Variants in FLT4 observed in about 807,000 individuals in gnomAD.
FLT4 encodes the protein fms related receptor tyrosine kinase 4, also known as vascular endothelial growth factor receptor 3.
A neutral mutation model predicts 163.2 loss-of-function variants in FLT4; 30 were observed. The ratio of observed to expected loss-of-function variants is 0.18; its 90% CI spans 0.14 to 0.25. The LOEUF is 0.25. Among genes scored for constraint, FLT4 ranks in the 10% least tolerant of loss-of-function variants. The pLI is 1.00. For synonymous variants in FLT4, 884 were observed against 789.5 expected, an observed-to-expected ratio of 1.12 and a Z score of -2.01; for missense variants, 1,510 against 1,863.8, an observed-to-expected ratio of 0.81 and a Z score of 3.50.
At position 180,613,859 on chromosome 5, in the gene FLT4, G is replaced by A. The variant is rs190142258; in HGVS notation, c.3331+209C>T. On this transcript the variant is annotated intron_variant, in intron 24 of 29. Transcript: ENST00000261937. ...GGCTTCAATGTGCACCCCACAGAGG[G>A]TGGCCCACGTTGGAGGCAAAGTCCT... The A allele has an allele frequency of 1.5e-3, 941 of 635,832 alleles. 6 individuals carry two copies. Among genetic ancestry groups the A allele is most frequent in the African/African-American group, 0.015 (824 of 56,160 alleles). The allele number at this position is 635,832 out of a possible 1,614,324, so 39.4% of individuals were successfully genotyped here.
chr5:180,620,649 A>G lies in FLT4; in HGVS notation c.2366T>C (p.Phe789Ser). The change falls in exon 16 of 30, where the codon TTC becomes TCC. Residue 789 changes from phenylalanine (F) to serine (S), a missense_variant. Coordinates refer to ENST00000261937, the MANE Select transcript of FLT4 (RefSeq NM_182925.5). This position sits in a 1 kb window ranked among gnomAD's most constrained non-coding sequence, Gnocchi z 4.4. ...GAAGATGAGGAGGAGGAGGACCCAGAAGAAGACAGCGATGACGCCGGTACC... is the reference window on the plus strand; with the variant it reads ...GAAGATGAGGAGGAGGAGGACCCAGGAGAAGACAGCGATGACGCCGGTACC... ...LVGTGVIAVFFWVLLLLIFCN... is the reference protein window; with the variant it reads ...LVGTGVIAVFSWVLLLLIFCN... 1 of 1,613,396 alleles carries G rather than the reference A, an allele frequency of 6.2e-7. No homozygotes were observed.
At chr5:180,610,846 A>T (rs1188980749) in intron 27 of FLT4, among the ~76,000 whole-genome samples, 18 of 152,244 alleles carry the variant, frequency 1.2e-4, no homozygotes, top group Admixed American at 1.1e-3. Context: ...TCACGAGGTC[A>T]GGAGATCGAG....
At chr5:180,608,227 T>C (rs772933780) in intron 29 of FLT4, 10 of 700,828 alleles carry the variant, frequency 1.4e-5, no homozygotes, top group South Asian at 8.9e-5. Flanking sequence ...ATCTTTCTTA[T>C]AAGTGCAGAG....
intron 1 of FLT4, among the ~76,000 whole-genome samples, chr5:180,632,435 G>A (rs1261994687): frequency 6.6e-6 from 1 of 152,124 alleles, no homozygotes; most frequent in Non-Finnish European, 1.5e-5. Context: ...GGCCTCCCTA[G>A]ACACCCCCAG....
chr5:180,625,171 C>T (rs1353373284), intron 10 of FLT4, among the ~76,000 whole-genome samples: 1 of 152,232 alleles, frequency 6.6e-6, no homozygotes, highest in African/African-American at 2.4e-5. Context: ...TGCTAAAAGG[C>T]AAACCTGAGC....
In FLT4 at chr5:180,613,990, C is replaced by T. The variant is rs1300558960; in HGVS notation, c.3331+78G>A. The T allele has an allele frequency of 6.9e-6, 7 of 1,015,840 alleles. No individual in the cohort carries two copies. The East Asian group carries it at 1.4e-4, about 21-fold the overall frequency. 62.9% of individuals were successfully genotyped at this position (1,015,840 alleles called of 1,614,324 possible). On this transcript the variant is annotated intron_variant, in intron 24 of 29. Coordinates refer to ENST00000261937, the MANE Select transcript of FLT4 (RefSeq NM_182925.5). The stretch of plus-strand genomic sequence containing the variant: ...ACACCTCCAGGTGCCCAGTCCCTTA[C>T]TCCAGCAGGGGCGGTCATGTAACCT...
intron 18 of FLT4, 123 bp from the exon 19 acceptor site, chr5:180,619,489 A>T: frequency 1.1e-6 from 1 of 923,876 alleles, no homozygotes; most frequent in Non-Finnish European, 1.7e-6. Context: ...GGCCCCACTG[A>T]GGCAGAGGGG....
chr5:180,649,835 A>C (rs979560940), upstream of FLT4, among the ~76,000 whole-genome samples: 8 of 152,028 alleles, frequency 5.3e-5, no homozygotes, highest in Non-Finnish European at 2.9e-5. Context: ...TGCGCTCCGG[A>C]GGTGATGGAG....
intron 8 of FLT4, among the ~76,000 whole-genome samples, chr5:180,627,209 C>T (rs956199507): frequency 1.3e-5 from 2 of 152,208 alleles, no homozygotes; most frequent in Non-Finnish European, 2.9e-5. Flanking sequence ...CAGAGATACA[C>T]CACTGTGTCC....
chr5:180,624,473 C>T (rs1266591659), intron 10 of FLT4, among the ~76,000 whole-genome samples: 1 of 152,204 alleles, frequency 6.6e-6, no homozygotes, highest in East Asian at 1.9e-4. Flanking sequence ...GGTGATTGGT[C>T]TGCCTTGGCC....
rs1490062544 is a variant in FLT4, at chr5:180,613,020, G to C, written c.3422C>G (p.Thr1141Ser). Reference protein sequence around the residue: ...GTRMRAPELATPAIRRIMLNC... With the variant: ...GTRMRAPELASPAIRRIMLNC... ...CCATGGGGAGGCTCACATGGCGGGA[G>C]TGGCCAGCTCCGGGGCCCTCATCCT... Residue 1141 changes from threonine to serine, a missense_variant, in exon 25 of 30, where the codon ACT (threonine) becomes AGT (serine). By Grantham distance (58) the Thr-to-Ser change is moderately conservative. Transcript: ENST00000261937. 6.2e-7 allele frequency: 1 copy of C among 1,612,020 alleles called. No homozygotes were observed. Among genetic ancestry groups the C allele is most frequent in the East Asian group, 2.2e-5 (1 of 44,830 alleles).
rs2127836456 is a variant in FLT4, at chr5:180,630,154, C to A, written c.514-49G>T. ...TTGCCCAGCTGCCCCTTGCTCCTGGCCAGACAGGCGGCCGCCTTTCCCAGG... is the reference window on the plus strand; with the variant it reads ...TTGCCCAGCTGCCCCTTGCTCCTGGACAGACAGGCGGCCGCCTTTCCCAGG... On this transcript the variant is annotated intron_variant, in intron 4 of 29. Coordinates refer to ENST00000261937, the MANE Select transcript of FLT4 (RefSeq NM_182925.5). This position sits in a 1 kb window ranked among gnomAD's most constrained non-coding sequence, Gnocchi z 6.3. 6.2e-7 allele frequency: 1 copy of A among 1,611,622 alleles called. No individual in the cohort carries two copies.
chr5:180,650,272 C>G (rs1056875092), upstream of FLT4, among the ~76,000 whole-genome samples: 1 of 151,984 alleles, frequency 6.6e-6, no homozygotes, highest in African/African-American at 2.4e-5. Flanking sequence ...GAGCGGGACA[C>G]CCGGGATGAC....
chr5:180,621,597 C>A lies in FLT4; in HGVS notation c.1965G>T (p.Val655=). 1 of 1,609,886 alleles carries A rather than the reference C, an allele frequency of 6.2e-7. No individual in the cohort carries two copies. Among genetic ancestry groups the A allele is most frequent in the Non-Finnish European group, 8.5e-7 (1 of 1,177,892 alleles). Residue 655 remains valine, a synonymous_variant, in exon 13 of 30, where the codon GTG becomes GTT. Coordinates refer to ENST00000261937, the MANE Select transcript of FLT4 (RefSeq NM_182925.5). ...PEHEGHYVCE[V]QDRRSHDKHC... is the part of the protein sequence containing the mutation. ...GCTTGTCATGGCTGCGCCGGTCTTGCACTTCGCACACATAGTGGCCCTCGT... is the reference window on the plus strand; with the variant it reads ...GCTTGTCATGGCTGCGCCGGTCTTGAACTTCGCACACATAGTGGCCCTCGT...
In FLT4 at chr5:180,647,028, C is replaced by T. The variant is rs963400104; in HGVS notation, c.58+2460G>A. 2.0e-5 allele frequency among the ~76,000 whole-genome samples: 3 copies of T among 152,066 alleles called. No individual in the cohort carries two copies. In the South Asian group the frequency reaches 6.2e-4, roughly 32 times the overall value. On this transcript the variant is annotated intron_variant, in intron 1 of 29. Coordinates refer to ENST00000261937, the MANE Select transcript of FLT4 (RefSeq NM_182925.5). Reference sequence around the variant, plus strand: ...GTAAAGTGGGCCTGATCCCCACATCCTGCCTGCAGTGACTTGCATCCCTGG... The same window carrying T: ...GTAAAGTGGGCCTGATCCCCACATCTTGCCTGCAGTGACTTGCATCCCTGG...
chr5:180,631,840 C>A, intron 1 of FLT4, 62 bp from the exon 2 acceptor site: 2 of 1,156,066 alleles, frequency 1.7e-6, no homozygotes, highest in Non-Finnish European at 2.6e-6. Flanking sequence ...GTTGATGGGG[C>A]ATGGCTGGGC....
rs1763887399 is a variant in FLT4 at position 180,629,188 on chromosome 5, G to A, written c.985+71C>T. 24 of 1,587,732 alleles carry A rather than the reference G, an allele frequency of 1.5e-5. No homozygotes were observed. In the East Asian group the frequency reaches 5.4e-4, roughly 35 times the overall value. ...CCCTTCCCTCTGGCTGGACTCCTGA[G>A]TGCTCAAGGGCACCGTGAGCTCTGG... On this transcript the variant is annotated intron_variant, in intron 7 of 29. Transcript: ENST00000261937.
chr5:180,614,175 C>T lies in FLT4; in HGVS notation c.3224G>A (p.Arg1075Gln), dbSNP rs1400220848. The T allele has an allele frequency of 8.4e-6, 12 of 1,425,034 alleles. No individual in the cohort carries two copies. The East Asian group carries it at 1.7e-4, about 20-fold the overall frequency. 88.3% of individuals were successfully genotyped at this position (1,425,034 alleles called of 1,614,324 possible). A position where few individuals can be genotyped will look rare whatever the true frequency, so the allele number is the denominator to read the frequency against. ...DPDYVRKGSA[R>Q]LPLKWMAPES... ...AGGGGCCATCCACTTCAGGGGCAGC[C>T]GGGCCTGGGGAGACAGAGGGAAGCT... The change falls in exon 24 of 30, where the codon CGG (arginine) becomes CAG (glutamine). Residue 1075 changes from arginine (R) to glutamine (Q), a missense_variant. Physicochemically the swap from Arg to Gln is conservative, Grantham distance 43 (BLOSUM62 1). Coordinates refer to ENST00000261937, the MANE Select transcript of FLT4 (RefSeq NM_182925.5).
intron 1 of FLT4, among the ~76,000 whole-genome samples, chr5:180,635,034 ATGGGTGGG>A (rs1377584338): frequency 1.7e-4 from 1 of 5,906 alleles, no homozygotes; most frequent in African/African-American, 4.7e-4. Context: ...GGATGGGTGG[ATGGGTGGG>A]TGGGTGGGTG....
Sources: allele counts gnomAD v4.1 joint callset (sites outside exome capture counted in the v4.1 genomes callset), GRCh38; gene constraint gnomAD v4.1.1; non-coding constraint Gnocchi (gnomAD v3.1); transcripts MANE v1.5; gene names NCBI Gene and HGNC (gene_info 2026-07-23, HGNC 2026-07-21).